Variants in DENND2A observed in about 807,000 individuals in gnomAD.
The protein encoded by DENND2A is DENN domain-containing protein 2A.
Under a neutral mutation model 105.3 loss-of-function variants are expected in DENND2A, and 53 were observed. That is an observed-to-expected ratio of 0.50 (90% CI 0.40 to 0.63). DENND2A has a LOEUF of 0.63. DENND2A is among the 30% of genes least tolerant of loss of function. The pLI is 0.00. For synonymous variants in DENND2A, 522 were observed against 508.4 expected, an observed-to-expected ratio of 1.03 and a Z score of -0.36; for missense variants, 1,138 against 1,279.6, an observed-to-expected ratio of 0.89 and a Z score of 1.69.
chr7:140,609,630 C>T (rs533007721), intron 1 of DENND2A, among the ~76,000 whole-genome samples: 1 of 152,304 alleles, frequency 6.6e-6, no homozygotes, highest in African/African-American at 2.4e-5. Context: ...TTGAACATTT[C>T]TGTAAGTTTC....
rs1405919560 is a variant in DENND2A at position 140,605,721 on chromosome 7, A to G, written c.-162T>C. The G allele has an allele frequency of 6.6e-6, 1 of 152,290 alleles. No individual in the cohort carries two copies. The highest frequency in any genetic ancestry group is 1.5e-5 in the Non-Finnish European group (1 of 68,150). 9.4% of individuals were successfully genotyped at this position (152,290 alleles called of 1,614,324 possible). A position where few individuals can be genotyped will look rare whatever the true frequency, so the allele number is the denominator to read the frequency against. On this transcript the variant is annotated 5_prime_UTR_variant, in exon 2 of 20. Transcript: ENST00000496613. The stretch of plus-strand genomic sequence containing the variant: ...TGTTCTTACTTGTCAGCCAATTTGT[A>G]GCTCAGGTTTTCAGTCTGGCTGTGG...
At chr7:140,577,283 T>C (rs1275152817) in intron 5 of DENND2A, among the ~76,000 whole-genome samples, 1 of 151,930 alleles carries the variant, frequency 6.6e-6, no homozygotes, top group Non-Finnish European at 1.5e-5. Context: ...AGCCTTAGAG[T>C]AAGCACAGTG....
chr7:140,632,049 C>T (rs1032977151), intron 1 of DENND2A, among the ~76,000 whole-genome samples: 1 of 152,076 alleles, frequency 6.6e-6, no homozygotes, highest in Non-Finnish European at 1.5e-5. Context: ...TGGACCATGC[C>T]GGGTCAGTCT....
At chr7:140,571,508 C>T (rs1206114003) in intron 6 of DENND2A, among the ~76,000 whole-genome samples, 1 of 152,060 alleles carries the variant, frequency 6.6e-6, no homozygotes, top group Non-Finnish European at 1.5e-5. Context: ...GTCTGGCCCT[C>T]TTTGCTTCTA....
Position 140,574,649 on chromosome 7 carries a change from A to T in DENND2A, c.1246-641T>A, listed in dbSNP as rs550512041. On this transcript the variant is annotated intron_variant, in intron 5 of 19. Transcript: ENST00000496613. The stretch of plus-strand genomic sequence containing the variant: ...CTAAGCCTCACTTTGGCCTTGCTGC[A>T]GGATTGCTGAGTGCCTTTTATACAA... Among the ~76,000 whole-genome samples the T allele has an allele frequency of 2.5e-4, 38 of 152,364 alleles. 1 individual carries two copies. In the South Asian group the frequency reaches 7.9e-3, roughly 32 times the overall value.
intron 14 of DENND2A, among the ~76,000 whole-genome samples, chr7:140,529,868 A>T (rs1490881617): frequency 2.0e-5 from 3 of 152,140 alleles, no homozygotes; most frequent in African/African-American, 4.8e-5. Context: ...GGTGCAGCAC[A>T]CCAACATGGC....
chr7:140,565,731 A>G (rs1223906391), intron 9 of DENND2A, among the ~76,000 whole-genome samples: 4 of 152,134 alleles, frequency 2.6e-5, no homozygotes, highest in African/African-American at 9.7e-5. Flanking sequence ...GCTGAAACCT[A>G]CTGGGCTGCA....
At chr7:140,593,705 G>A (rs1015891921) in intron 3 of DENND2A, among the ~76,000 whole-genome samples, 17 of 151,970 alleles carry the variant, frequency 1.1e-4, no homozygotes, top group Non-Finnish European at 1.6e-4. Flanking sequence ...TACTGCCTAC[G>A]TCTAACTAGT....
chr7:140,609,283 C>T (rs1275263251), intron 1 of DENND2A, among the ~76,000 whole-genome samples: 2 of 152,270 alleles, frequency 1.3e-5, no homozygotes, highest in South Asian at 2.1e-4. Context: ...GAGGCCAAGG[C>T]GGGCGGATCT....
chr7:140,638,050 T>A (rs944815631), intron 1 of DENND2A, among the ~76,000 whole-genome samples: 10 of 152,140 alleles, frequency 6.6e-5, no homozygotes, highest in African/African-American at 2.4e-4. Context: ...TATCTTTCCA[T>A]CTTTTGTAAC....
At position 140,546,762 on chromosome 7, in the gene DENND2A, G is replaced by A. The variant is rs373635101; in HGVS notation, c.2178+37C>T. Reference sequence around the variant, plus strand: ...CGGAGACTCGGCTGTCTGGGCCACTGCCTCCCCAGGGAGAAGGAAGGAGTC... The same window carrying A: ...CGGAGACTCGGCTGTCTGGGCCACTACCTCCCCAGGGAGAAGGAAGGAGTC... On this transcript the variant is annotated intron_variant, in intron 13 of 19. Coordinates refer to ENST00000496613, the MANE Select transcript of DENND2A (RefSeq NM_015689.5). The A allele has an allele frequency of 1.3e-5, 21 of 1,609,706 alleles. No individual in the cohort carries two copies. The African/African-American group carries it at 2.7e-4, about 20-fold the overall frequency.
In DENND2A at chr7:140,559,850, A is replaced by G; in HGVS notation, c.1780-33T>C. On this transcript the variant is annotated intron_variant, in intron 9 of 19. Transcript: ENST00000496613. This position sits in a 1 kb window ranked among gnomAD's most constrained non-coding sequence, Gnocchi z 4.1. The stretch of plus-strand genomic sequence containing the variant: ...GAGAAAGGTGAGAGAAAATTCGAGA[A>G]CAAATCTCAGCATGGGAAATTGAGG... 6.6e-7 allele frequency: 1 copy of G among 1,520,194 alleles called. No individual in the cohort carries two copies. The highest frequency in any genetic ancestry group is 1.4e-5 in the African/African-American group (1 of 73,146). The allele number at this position is 1,520,194 out of a possible 1,614,324, so 94.2% of individuals were successfully genotyped here.
chr7:140,556,531 G>A (rs1335152166), intron 11 of DENND2A, among the ~76,000 whole-genome samples: 1 of 151,840 alleles, frequency 6.6e-6, no homozygotes, highest in Non-Finnish European at 1.5e-5. Context: ...GTAGAGATAG[G>A]GTTTCACCAT....
intron 1 of DENND2A, among the ~76,000 whole-genome samples, chr7:140,636,667 G>C (rs1800946809): frequency 7.0e-6 from 1 of 143,300 alleles, no homozygotes; most frequent in Non-Finnish European, 1.5e-5. Flanking sequence ...CAGTTGTTTT[G>C]AATCTCCCTC....
chr7:140,519,204 T>G (rs1376984952), intron 19 of DENND2A, among the ~76,000 whole-genome samples: 1 of 152,228 alleles, frequency 6.6e-6, no homozygotes, highest in African/African-American at 2.4e-5. Context: ...GCTGTCTTCA[T>G]TCTCCCTTTC....
In DENND2A at chr7:140,617,311, C is replaced by T. The variant is rs577777719; in HGVS notation, c.-247-11505G>A. On this transcript the variant is annotated intron_variant, in intron 1 of 19. Transcript: ENST00000496613. The stretch of plus-strand genomic sequence containing the variant: ...GCTCTGCTGATTCTTCCCTCCATGG[C>T]CTTCAATATCAAGGCTCCCCCGTAC... 7.2e-5 allele frequency among the ~76,000 whole-genome samples: 11 copies of T among 152,350 alleles called. No individual in the cohort carries two copies. The East Asian group carries it at 2.1e-3, about 29-fold the overall frequency.
intron 15 of DENND2A, among the ~76,000 whole-genome samples, chr7:140,526,825 C>G (rs1375465545): frequency 6.6e-6 from 1 of 152,154 alleles, no homozygotes; most frequent in Admixed American, 6.6e-5. Flanking sequence ...CCCAGTCCTC[C>G]GGGTCAAAAC....
intron 14 of DENND2A, among the ~76,000 whole-genome samples, chr7:140,530,333 A>G (rs868557832): frequency 7.9e-5 from 12 of 152,328 alleles, no homozygotes; most frequent in Middle Eastern, 6.8e-3. Context: ...CTTCTTTTCC[A>G]TTCCCCAATT....
At chr7:140,574,537 A>C (rs1210657461) in intron 5 of DENND2A, among the ~76,000 whole-genome samples, 1 of 152,064 alleles carries the variant, frequency 6.6e-6, no homozygotes, top group African/African-American at 2.4e-5. Flanking sequence ...CTTTTTAGAC[A>C]AGTGCGAGGT....
Sources: gnomAD v4.1 joint callset for allele counts (sites outside exome capture counted in the v4.1 genomes callset) on GRCh38, gnomAD v4.1.1 for gene constraint, Gnocchi (gnomAD v3.1) non-coding constraint, MANE v1.5 for transcripts, NCBI Gene and HGNC (gene_info 2026-07-23, HGNC 2026-07-21) for gene names.